LYRM4: variants seen among roughly 807,000 people sequenced by gnomAD.
The protein encoded by LYRM4 is LYR motif-containing protein 4.
LYRM4 carries 9 observed loss-of-function variants against 11.7 expected under a neutral mutation model. The observed-to-expected ratio is 0.77, with a 90% CI of 0.46 to 1.34. The LOEUF (loss-of-function observed/expected upper bound fraction) is 1.34, where lower values mean the gene tolerates loss of function less well. LYRM4 is among the 40% of genes most tolerant of loss of function. The pLI, the probability that LYRM4 is intolerant of heterozygous loss-of-function variation, is 0.00. For missense variants in LYRM4, 133 were observed against 112.5 expected (o/e 1.18, Z -0.82); for synonymous variants, 42 against 40.4 (o/e 1.04, Z -0.15).
At chr6:5,239,116 C>T (rs1239421182) in intron 1 of LYRM4, among the ~76,000 whole-genome samples, 1 of 152,158 alleles carries the variant, frequency 6.6e-6, no homozygotes, top group Non-Finnish European at 1.5e-5. Context: ...CCGGAGGGGG[C>T]TGTACAAAAT....
In LYRM4 at chr6:5,197,292, AGT is replaced by A. The variant is rs200733870; in HGVS notation, c.207+19324_207+19325del. ...CTGAGTTGGTTGAAGGGGGGGGCCA[AGT>A]GCCTGAGTTGGCTGTGCCTGATTAT... On this transcript the variant is annotated intron_variant, in intron 2 of 2. Transcript: ENST00000330636. 5.0e-3 allele frequency among the ~76,000 whole-genome samples: 765 copies of A among 152,342 alleles called. 15 individuals are homozygous for A. The highest frequency in any genetic ancestry group is 0.039 in the Admixed American group (591 of 15,296).
At chr6:5,241,898 A>C (rs1384679056) in intron 1 of LYRM4, among the ~76,000 whole-genome samples, 1 of 152,062 alleles carries the variant, frequency 6.6e-6, no homozygotes, top group Non-Finnish European at 1.5e-5. Flanking sequence ...GAAATATTGG[A>C]GATTCTAATA....
intron 2 of LYRM4, among the ~76,000 whole-genome samples, chr6:5,141,390 G>A (rs933155827): frequency 6.6e-6 from 1 of 152,136 alleles, no homozygotes; most frequent in African/African-American, 2.4e-5. Context: ...TGATTTCTCA[G>A]GTCCCTGCTG....
chr6:5,114,100 T>C (rs1042527117), intron 2 of LYRM4, among the ~76,000 whole-genome samples: 3 of 152,176 alleles, frequency 2.0e-5, no homozygotes, highest in East Asian at 3.9e-4. Flanking sequence ...GGACAGTTCT[T>C]TGAAGTGGGC....
At chr6:5,102,165 G>C (rs191559481), downstream of LYRM4, among the ~76,000 whole-genome samples, 3 of 151,378 alleles carry the variant, frequency 2.0e-5, no homozygotes, top group Admixed American at 2.0e-4. Flanking sequence ...CTCTACTTTG[G>C]ACAAGCTTCT....
At chr6:5,037,901 G>A in the LYRM4 span, among the ~76,000 whole-genome samples, 1 of 53,494 alleles carries the variant, frequency 1.9e-5, no homozygotes. Flanking sequence ...GGGCAAAGGC[G>A]CCCCTCACCT....
At chr6:5,215,598 T>C (rs1044536556) in intron 2 of LYRM4, among the ~76,000 whole-genome samples, 2 of 152,234 alleles carry the variant, frequency 1.3e-5, no homozygotes, top group East Asian at 3.9e-4. Flanking sequence ...AGACCTTTAA[T>C]CTTGACATAA....
chr6:5,040,962 C>T, the LYRM4 span, among the ~76,000 whole-genome samples: 1 of 151,960 alleles, frequency 6.6e-6, no homozygotes, highest in Non-Finnish European at 1.5e-5. Context: ...ATATGCGAGA[C>T]CAAAATTCAG....
At chr6:5,129,833 C>G (rs1331053471) in intron 2 of LYRM4, among the ~76,000 whole-genome samples, 1 of 152,178 alleles carries the variant, frequency 6.6e-6, no homozygotes, top group Non-Finnish European at 1.5e-5. Flanking sequence ...CTTACTCCAC[C>G]AGCCACACTG....
intron 2 of LYRM4, among the ~76,000 whole-genome samples, chr6:5,144,959 A>T (rs1394045410): frequency 6.6e-6 from 1 of 152,170 alleles, no homozygotes; most frequent in East Asian, 1.9e-4. Context: ...AATGAGCCCA[A>T]AGTGAGAGTC....
At chr6:5,151,318 C>T (rs958079222) in intron 2 of LYRM4, among the ~76,000 whole-genome samples, 6 of 152,096 alleles carry the variant, frequency 3.9e-5, no homozygotes, top group East Asian at 1.9e-4. Flanking sequence ...CTGTTGACCT[C>T]GTGATCTGCC....
At chr6:5,059,340 C>CAA in the LYRM4 span, among the ~76,000 whole-genome samples, 14,763 of 85,700 alleles carry the variant, frequency 0.17, 1,089 homozygotes, top group Admixed American at 0.22. Context: ...CGCCCTGTCT[C>CAA]AAAAAAAAAA....
the LYRM4 span, among the ~76,000 whole-genome samples, chr6:5,037,550 C>T: frequency 3.6e-5 from 3 of 82,212 alleles, no homozygotes; most frequent in Non-Finnish European, 5.8e-5. Flanking sequence ...GGGTCCTGGC[C>T]GGGCAGAGGG....
In LYRM4 at chr6:5,209,639, G is replaced by A. The variant is rs554114246; in HGVS notation, c.207+6979C>T. 2.8e-4 allele frequency among the ~76,000 whole-genome samples: 43 copies of A among 152,242 alleles called. No homozygotes were observed. In the South Asian group the frequency reaches 8.1e-3, roughly 29 times the overall value. On this transcript the variant is annotated intron_variant, in intron 2 of 2. Coordinates refer to ENST00000330636, the MANE Select transcript of LYRM4 (RefSeq NM_020408.6). ...AATGAGAAAGAACTTCTACAAGGCC[G>A]GAAGGACCTCATAATTCCATGGTAA...
chr6:5,159,580 T>A (rs1162701267), intron 2 of LYRM4, among the ~76,000 whole-genome samples: 1 of 152,184 alleles, frequency 6.6e-6, no homozygotes, highest in Non-Finnish European at 1.5e-5. Flanking sequence ...ATGGCTACTA[T>A]CCAAGCCCAT....
chr6:5,059,340 CAA>C, the LYRM4 span, among the ~76,000 whole-genome samples: 43 of 85,998 alleles, frequency 5.0e-4, no homozygotes, highest in East Asian at 4.9e-3. Flanking sequence ...CGCCCTGTCT[CAA>C]AAAAAAAAAA....
intron 2 of LYRM4, among the ~76,000 whole-genome samples, chr6:5,114,884 A>T (rs1266446777): frequency 6.6e-6 from 1 of 152,190 alleles, no homozygotes; most frequent in Non-Finnish European, 1.5e-5. Context: ...ATTTAGTTGC[A>T]TTTGGATATG....
rs1561899088 is a variant in LYRM4, at chr6:5,245,126, ATATATATATATAT to A, written c.86+15509_86+15521del. On this transcript the variant is annotated intron_variant, in intron 1 of 2. Transcript: ENST00000330636. The stretch of plus-strand genomic sequence containing the variant: ...AAAAAAAAAAAAAATATATATATAT[ATATATATATATAT>A]ATATATATATATATATATATATATA... Among the ~76,000 whole-genome samples the A allele has an allele frequency of 9.0e-3, 472 of 52,536 alleles. 34 individuals are homozygous for A. The highest frequency in any genetic ancestry group is 0.041 in the African/African-American group (454 of 11,128). The allele number at this position is 52,536 out of a possible 152,430, so 34.5% of individuals were successfully genotyped here. A position where few individuals can be genotyped will look rare whatever the true frequency, so the allele number is the denominator to read the frequency against.
the LYRM4 span, among the ~76,000 whole-genome samples, chr6:5,078,231 C>A: frequency 7.3e-5 from 11 of 151,276 alleles, no homozygotes; most frequent in East Asian, 5.8e-4. Context: ...CCCCTTTCAG[C>A]TGGGTACTTT....
Sources: allele counts gnomAD v4.1 joint callset (sites outside exome capture counted in the v4.1 genomes callset), GRCh38; gene constraint gnomAD v4.1.1; transcripts MANE v1.5; gene names NCBI Gene and HGNC (gene_info 2026-07-23, HGNC 2026-07-21).